The following HNRNPUL1 variants were observed in gnomAD, a reference collection of about 807,000 sequenced individuals.
The protein encoded by HNRNPUL1 is heterogeneous nuclear ribonucleoprotein U like 1, also known as heterogeneous nuclear ribonucleoprotein U-like protein 1.
HNRNPUL1 carries 14 observed loss-of-function variants against 108.5 expected under a neutral mutation model. The observed-to-expected ratio is 0.13, with a 90% CI of 0.09 to 0.20. HNRNPUL1 has a LOEUF of 0.20. Ranked by LOEUF, HNRNPUL1 falls within the 10% of genes least tolerant of loss-of-function variation. The pLI is 1.00. For synonymous variants in HNRNPUL1, 422 were observed against 445.2 expected (o/e 0.95, Z 0.66); for missense variants, 804 against 1,168.3 (o/e 0.69, Z 4.55).
chr19:41,277,735 G>C (rs748207544), intron 5 of HNRNPUL1, among the ~76,000 whole-genome samples: 2 of 152,184 alleles, frequency 1.3e-5, no homozygotes, highest in Non-Finnish European at 2.9e-5. Flanking sequence ...TTGAACTCCT[G>C]AGCTCAGGTG....
At chr19:41,283,795 G>C (rs894526320) in intron 7 of HNRNPUL1, among the ~76,000 whole-genome samples, 2 of 152,128 alleles carry the variant, frequency 1.3e-5, no homozygotes, top group African/African-American at 4.8e-5. Flanking sequence ...GTTTCACCGT[G>C]TTGGCCAAGC....
At chr19:41,303,831 G>A in intron 12 of HNRNPUL1, 141 bp from the exon 13 acceptor site, 1 of 1,021,338 alleles carries the variant, frequency 9.8e-7, no homozygotes, top group Non-Finnish European at 1.4e-6. Flanking sequence ...GAGAATCCCA[G>A]AGGACATGCT....
intron 7 of HNRNPUL1, among the ~76,000 whole-genome samples, chr19:41,291,659 CAAGACTCA>C (rs1297259294): frequency 1.3e-5 from 2 of 152,090 alleles, no homozygotes; most frequent in Non-Finnish European, 2.9e-5. Flanking sequence ...AGTCTAGGCA[CAAGACTCA>C]AATACTTGGA....
intron 7 of HNRNPUL1, among the ~76,000 whole-genome samples, chr19:41,288,474 C>G (rs996302161): frequency 1.3e-5 from 2 of 152,080 alleles, no homozygotes; most frequent in Non-Finnish European, 2.9e-5. Context: ...GAACTCCCGA[C>G]CTCAGGTGAT....
chr19:41,264,358 C>T (rs1033524765), upstream of HNRNPUL1: 8 of 578,698 alleles, frequency 1.4e-5, no homozygotes, highest in African/African-American at 1.9e-5. Context: ...AGGGGGGAGG[C>T]GGTGGCGGCG....
At chr19:41,303,436 C>G (rs1032917268) in intron 12 of HNRNPUL1, among the ~76,000 whole-genome samples, 2 of 151,158 alleles carry the variant, frequency 1.3e-5, no homozygotes, top group East Asian at 1.9e-4. Flanking sequence ...TCACTGCAAC[C>G]TCTGCCTCCC....
intron 6 of HNRNPUL1, 44 bp from the exon 7 acceptor site, chr19:41,281,119 G>T: frequency 8.0e-7 from 1 of 1,253,356 alleles, no homozygotes; most frequent in South Asian, 1.2e-5. Flanking sequence ...AGGCTGTTAT[G>T]ACCATCGCAG....
At position 41,270,930 on chromosome 19, in the gene HNRNPUL1, G is replaced by C. The variant is rs1478842611; in HGVS notation, c.419-1152G>C. On this transcript the variant is annotated intron_variant, in intron 2 of 14. Transcript: ENST00000392006. Reference sequence around the variant, plus strand: ...ATTTTATAGATTGAGGAGTTGGCTTGTCCGATGGCAGAGCTGGGGCTACAA... The same window carrying C: ...ATTTTATAGATTGAGGAGTTGGCTTCTCCGATGGCAGAGCTGGGGCTACAA... Among the ~76,000 whole-genome samples the C allele has an allele frequency of 1.7e-4, 26 of 152,088 alleles. 1 individual carries two copies. The highest frequency in any genetic ancestry group is 5.9e-5 in the Non-Finnish European group (4 of 68,018).
At chr19:41,266,074 T>TTCTGGG (rs2034823471) in intron 1 of HNRNPUL1, among the ~76,000 whole-genome samples, 1 of 152,066 alleles carries the variant, frequency 6.6e-6, no homozygotes, top group Admixed American at 6.5e-5. Flanking sequence ...TGGGTTCGGG[T>TTCTGGG]AGACCTGCGG....
chr19:41,306,650 T>A lies in HNRNPUL1; in HGVS notation c.*85T>A. On this transcript the variant is annotated 3_prime_UTR_variant, in exon 15 of 15. Transcript: ENST00000392006. The stretch of plus-strand genomic sequence containing the variant: ...CGGCCCCTCCTCTGCCCCCGCCAGA[T>A]CCCGTGGTGCTGGGGATGGGGTCAT... The A allele has an allele frequency of 1.2e-6, 1 of 816,038 alleles. No homozygotes were observed. Among genetic ancestry groups the A allele is most frequent in the Non-Finnish European group, 1.8e-6 (1 of 545,646 alleles). 50.5% of individuals were successfully genotyped at this position (816,038 alleles called of 1,614,324 possible).
upstream of HNRNPUL1, chr19:41,264,370 C>A: frequency 1.4e-6 from 1 of 709,822 alleles, no homozygotes; most frequent in Non-Finnish European, 2.0e-6. Flanking sequence ...GTGGCGGCGG[C>A]CATTTTGAGC....
chr19:41,285,418 T>C (rs1323600497), intron 7 of HNRNPUL1, among the ~76,000 whole-genome samples: 5 of 152,032 alleles, frequency 3.3e-5, no homozygotes, highest in Non-Finnish European at 5.9e-5. Context: ...AGAGATGGGG[T>C]TTCGCCAAAC....
intron 1 of HNRNPUL1, 181 bp downstream of exon 1, chr19:41,264,979 ACACT>A (rs2034723355): frequency 9.8e-6 from 13 of 1,330,026 alleles, no homozygotes; most frequent in South Asian, 5.7e-5. Context: ...GTGGATCCTG[ACACT>A]CAGTGCAGGG....
At position 41,292,476 on chromosome 19, in the gene HNRNPUL1, G is replaced by A. The variant is rs2036642276; in HGVS notation, c.1231G>A (p.Gly411Ser). ...CCTTCCCCTTAGTGAGCGTATCCGG[G>A]GCACCGTTGGACCAAAGAGCAAGGC... is the stretch of plus-strand genomic sequence containing the variant. Reference protein sequence around the residue: ...QHLPLSERIRGTVGPKSKAEC... With the variant: ...QHLPLSERIRSTVGPKSKAEC... Residue 411 changes from glycine (G) to serine (S), a missense_variant, in exon 8 of 15, where the codon GGC becomes AGC. This residue lies in a region of HNRNPUL1 where 174 missense variants were observed against 296.6 expected (regional missense o/e 0.59). Transcript: ENST00000392006. This position sits in a 1 kb window ranked among gnomAD's most constrained non-coding sequence, Gnocchi z 4.1. 6.2e-7 allele frequency: 1 copy of A among 1,613,470 alleles called. No homozygotes were observed. The highest frequency in any genetic ancestry group is 8.5e-7 in the Non-Finnish European group (1 of 1,179,514).
At chr19:41,300,978 C>T (rs1015358658) in intron 10 of HNRNPUL1, among the ~76,000 whole-genome samples, 4 of 152,148 alleles carry the variant, frequency 2.6e-5, no homozygotes, top group Non-Finnish European at 5.9e-5. Context: ...AGGTATTACA[C>T]AGCCATTAAA....
At chr19:41,265,330 G>C in intron 1 of HNRNPUL1, 1 of 1,018,040 alleles carries the variant, frequency 9.8e-7, no homozygotes, top group Non-Finnish European at 1.4e-6. Flanking sequence ...GATCCTGGGC[G>C]TTCTCCTATT....
chr19:41,280,869 A>G (rs2035859690), intron 6 of HNRNPUL1: 1 of 328,790 alleles, frequency 3.0e-6, no homozygotes, highest in African/African-American at 2.1e-5. Context: ...ATTCTCCTCC[A>G]TCCCAACTCC....
At chr19:41,265,399 C>T in intron 1 of HNRNPUL1, 1 of 1,499,872 alleles carries the variant, frequency 6.7e-7, no homozygotes, top group Non-Finnish European at 8.9e-7. Context: ...GGGGAGGGTC[C>T]TAATGGACTC....
At chr19:41,264,165 CCCGCCCTCCGCT>C (rs2034654057), upstream of HNRNPUL1, among the ~76,000 whole-genome samples, 1 of 152,250 alleles carries the variant, frequency 6.6e-6, no homozygotes. Flanking sequence ...CCTGCCTTTT[CCCGCCCTCCGCT>C]CCGGCCTCGG....
Sources: gnomAD v4.1 joint callset for allele counts (sites outside exome capture counted in the v4.1 genomes callset) on GRCh38, gnomAD v4.1.1 for gene constraint, gnomAD v4.1.1 regional missense constraint, Gnocchi (gnomAD v3.1) non-coding constraint, MANE v1.5 for transcripts, NCBI Gene and HGNC (gene_info 2026-07-23, HGNC 2026-07-21) for gene names.